Variants in GTF3C3 observed in about 807,000 individuals in gnomAD.
GTF3C3 encodes the protein general transcription factor IIIC subunit 3.
In GTF3C3, 75 loss-of-function variants were observed where a neutral mutation model predicts 105.2. That is an observed-to-expected ratio of 0.71 (90% CI 0.59 to 0.86). The LOEUF (loss-of-function observed/expected upper bound fraction) is 0.86. Among genes scored for constraint, GTF3C3 ranks in the 40% least tolerant of loss-of-function variants. The probability of loss-of-function intolerance (pLI) is 0.00; values close to 1 mark genes in which losing one functional copy is unlikely to be tolerated. For synonymous variants in GTF3C3, 335 were observed against 370.4 expected (o/e 0.90, Z 1.10); for missense variants, 856 against 1,076.5 (o/e 0.80, Z 2.87).
rs1300024483 is a variant in GTF3C3 at position 196,764,500 on chromosome 2, T to TGAGA, written c.*59_*62dup. The TGAGA allele has an allele frequency of 6.8e-7, 1 of 1,469,800 alleles. No homozygotes were observed. The allele number at this position is 1,469,800 out of a possible 1,614,324, so 91.0% of individuals were successfully genotyped here. ...TTTTGGAGTTACAAATAATAAGCCC[T>TGAGA]GAGACAGAAGACACTGGTCCTCACA... On this transcript the variant is annotated 3_prime_UTR_variant, in exon 18 of 18. Coordinates refer to ENST00000263956, the MANE Select transcript of GTF3C3 (RefSeq NM_012086.5).
At chr2:196,785,657 G>A (rs531994838) in intron 6 of GTF3C3, 69 bp from the exon 7 acceptor site, 59 of 917,918 alleles carry the variant, frequency 6.4e-5, no homozygotes, top group East Asian at 6.0e-4. Context: ...TCCTTGCTTA[G>A]GCTATCTAAC....
intron 13 of GTF3C3, among the ~76,000 whole-genome samples, chr2:196,774,801 AATC>A (rs1366781153): frequency 6.6e-6 from 1 of 152,226 alleles, no homozygotes; most frequent in Non-Finnish European, 1.5e-5. Context: ...AGTCTGGACA[AATC>A]ATCTATACTG....
In GTF3C3 at chr2:196,763,212, T is replaced by TAAAC. The variant is rs1699000409; in HGVS notation, c.*1347_*1350dup. The TAAAC allele has an allele frequency of 6.6e-6, 1 of 152,182 alleles. No homozygotes were observed. The highest frequency in any genetic ancestry group is 2.1e-4 in the South Asian group (1 of 4,828). 9.4% of individuals were successfully genotyped at this position (152,182 alleles called of 1,614,324 possible). A position where few individuals can be genotyped will look rare whatever the true frequency, so the allele number is the denominator to read the frequency against. ...AAATGGAAGCTATGATTTTAAAAGC[T>TAAAC]AAACAAAACTATACAATATCAGCTG... On this transcript the variant is annotated 3_prime_UTR_variant, in exon 18 of 18. Coordinates refer to ENST00000263956, the MANE Select transcript of GTF3C3 (RefSeq NM_012086.5).
chr2:196,773,168 A>G lies in GTF3C3; in HGVS notation c.1832-15T>C, dbSNP rs763085445. On this transcript the variant is annotated splice_polypyrimidine_tract_variant and intron_variant, in intron 13 of 17. Transcript: ENST00000263956. ...AGCAAATATTGCTAAAATGAGACCA[A>G]TGAAAACCAGTTAGGACACTGTATT... 8.5e-6 allele frequency: 12 copies of G among 1,419,212 alleles called. No individual in the cohort carries two copies. The Admixed American group carries it at 1.7e-4, about 20-fold the overall frequency. 87.9% of individuals were successfully genotyped at this position (1,419,212 alleles called of 1,614,324 possible). A position where few individuals can be genotyped will look rare whatever the true frequency, so the allele number is the denominator to read the frequency against.
At chr2:196,769,435 T>G (rs1448857833) in intron 16 of GTF3C3, among the ~76,000 whole-genome samples, 2 of 152,216 alleles carry the variant, frequency 1.3e-5, no homozygotes, top group Admixed American at 1.3e-4. Context: ...TATACTTTTA[T>G]TAGAAGAGAC....
chr2:196,788,471 C>T (rs2125749081), intron 6 of GTF3C3, among the ~76,000 whole-genome samples: 1 of 152,278 alleles, frequency 6.6e-6, no homozygotes, highest in South Asian at 2.1e-4. Context: ...CAATAATGTG[C>T]CAACTGTAAA....
intron 8 of GTF3C3, among the ~76,000 whole-genome samples, chr2:196,782,983 A>G (rs1699391935): frequency 6.6e-6 from 1 of 152,214 alleles, no homozygotes; most frequent in Non-Finnish European, 1.5e-5. Context: ...GGTCTTTCAC[A>G]TTCAGAAGAA....
chr2:196,792,219 G>A (rs1699561740), intron 3 of GTF3C3, among the ~76,000 whole-genome samples: 1 of 152,150 alleles, frequency 6.6e-6, no homozygotes. Flanking sequence ...GTGCAGTGGA[G>A]TGATCTCAGC....
rs755383901 is a variant in GTF3C3, at chr2:196,793,091, C to A, written c.276G>T (p.Glu92Asp). The change falls in exon 3 of 18, where the codon GAG becomes GAT. Residue 92 changes from glutamate (E) to aspartate (D), a missense_variant. By Grantham distance (45) the Glu-to-Asp change is conservative. Transcript: ENST00000263956. ...CCTCTTCCTCCTCATCATCTTCATT[C>A]TCTCCAAGCATGGAAGCAAAGACCT... is the stretch of plus-strand genomic sequence containing the variant. ...VHKVFASMLG[E>D]NEDDEEEEEE... The A allele has an allele frequency of 6.2e-7, 1 of 1,613,856 alleles. No individual in the cohort carries two copies. The highest frequency in any genetic ancestry group is 8.5e-7 in the Non-Finnish European group (1 of 1,179,826).
chr2:196,781,453 GTAT>G (rs1299783310), intron 8 of GTF3C3, among the ~76,000 whole-genome samples: 2 of 142,636 alleles, frequency 1.4e-5, no homozygotes, highest in African/African-American at 5.1e-5. Flanking sequence ...CATTTACATT[GTAT>G]TATTAGGTTG....
rs1474484919 is a variant in GTF3C3 at position 196,763,656 on chromosome 2, T to C, written c.*907A>G. 6.6e-6 allele frequency: 1 copy of C among 152,192 alleles called. No homozygotes were observed. Among genetic ancestry groups the C allele is most frequent in the African/African-American group, 2.4e-5 (1 of 41,452 alleles). The allele number at this position is 152,192 out of a possible 1,614,324, so 9.4% of individuals were successfully genotyped here. On this transcript the variant is annotated 3_prime_UTR_variant, in exon 18 of 18. Transcript: ENST00000263956. The stretch of plus-strand genomic sequence containing the variant: ...CTCCCACAATTGGGCTGGGTGTTAC[T>C]AACCCATGTGCACATTAATTACAGC...
Position 196,771,748 on chromosome 2 carries a change from C to T in GTF3C3, c.2260G>A (p.Gly754Arg), listed in dbSNP as rs1004775114. 1.2e-6 allele frequency: 2 copies of T among 1,603,328 alleles called. No individual in the cohort carries two copies. Among genetic ancestry groups the T allele is most frequent in the Admixed American group, 1.7e-5 (1 of 59,992 alleles). ...FVSGSFKHAL[G>R]QYVQAFRTHP... Reference sequence around the variant, plus strand: ...CAAAGTCACGTGCCAGGACACTTACCAAGCGCATGCTTAAAACTACCAGAT... The same window carrying T: ...CAAAGTCACGTGCCAGGACACTTACTAAGCGCATGCTTAAAACTACCAGAT... Residue 754 changes from glycine to arginine, a missense_variant and splice_region_variant, in exon 15 of 18, where the codon GGA (glycine) becomes AGA (arginine). Transcript: ENST00000263956.
At chr2:196,799,442 G>A (rs1049205764) in intron 1 of GTF3C3, 68 bp downstream of exon 1, 2 of 1,183,318 alleles carry the variant, frequency 1.7e-6, no homozygotes, top group Non-Finnish European at 2.5e-6. Context: ...GCGGTCGTCT[G>A]GGTCCCCCAC....
In GTF3C3 at chr2:196,797,895, T is replaced by G. The variant is rs746098843; in HGVS notation, c.116A>C (p.Lys39Thr). ...ATTTTCTTCAGCTGATAACTTGCCTTTTTCCTGAAGACTCTGTGATTGCAA... is the reference window on the plus strand; with the variant it reads ...ATTTTCTTCAGCTGATAACTTGCCTGTTTCCTGAAGACTCTGTGATTGCAA... ...KTREKKSLQE[K>T]GKLSAEENPD... Residue 39 changes from lysine to threonine, a missense_variant, in exon 2 of 18, where the codon AAA becomes ACA. Coordinates refer to ENST00000263956, the MANE Select transcript of GTF3C3 (RefSeq NM_012086.5). 7 of 1,597,838 alleles carry G rather than the reference T, an allele frequency of 4.4e-6. No homozygotes were observed. The highest frequency in any genetic ancestry group is 1.7e-4 in the Middle Eastern group (1 of 6,060).
At position 196,763,791 on chromosome 2, in the gene GTF3C3, CAA is replaced by C. The variant is rs1018034223; in HGVS notation, c.*770_*771del. 2.7e-5 allele frequency: 4 copies of C among 150,896 alleles called. No homozygotes were observed. The highest frequency in any genetic ancestry group is 2.4e-5 in the African/African-American group (1 of 41,142). The allele number at this position is 150,896 out of a possible 1,614,324, so 9.3% of individuals were successfully genotyped here. ...TAAATAGTGGAGATGAGTAAACAAA[CAA>C]AAAAAAAGTTTTTTACTTTATCAAT... On this transcript the variant is annotated 3_prime_UTR_variant, in exon 18 of 18. Transcript: ENST00000263956.
chr2:196,775,958 C>A, intron 12 of GTF3C3, 52 bp downstream of exon 12: 3 of 770,424 alleles, frequency 3.9e-6, no homozygotes, highest in South Asian at 2.0e-5. Flanking sequence ...AAATGAAATA[C>A]TAAACATTTA....
chr2:196,793,720 A>G (rs1171379697), intron 2 of GTF3C3, among the ~76,000 whole-genome samples: 1 of 152,228 alleles, frequency 6.6e-6, no homozygotes, highest in Admixed American at 6.5e-5. Flanking sequence ...AATGCCTAGC[A>G]TATAGTAAAC....
chr2:196,797,126 G>C (rs528535848), intron 2 of GTF3C3, among the ~76,000 whole-genome samples: 5 of 152,178 alleles, frequency 3.3e-5, no homozygotes, highest in Admixed American at 3.3e-4. Flanking sequence ...TGACAGTTTA[G>C]CATCCCAGTT....
At chr2:196,771,959 TGA>T in intron 14 of GTF3C3, 21 bp from the exon 15 acceptor site, 2 of 1,532,088 alleles carry the variant, frequency 1.3e-6, no homozygotes, top group Non-Finnish European at 9.0e-7. Context: ...AGGAAGAGGG[TGA>T]GGGAGAAAAT....
Sources: gnomAD v4.1 joint callset for allele counts (sites outside exome capture counted in the v4.1 genomes callset) on GRCh38, gnomAD v4.1.1 for gene constraint, MANE v1.5 for transcripts, NCBI Gene and HGNC (gene_info 2026-07-23, HGNC 2026-07-21) for gene names.